TENM2: variants seen among roughly 807,000 people sequenced by gnomAD.
The protein encoded by TENM2 is teneurin-2.
TENM2 carries 52 observed loss-of-function variants against 245.2 expected under a neutral mutation model. The ratio of observed to expected loss-of-function variants is 0.21; its 90% CI spans 0.17 to 0.27. TENM2 has a LOEUF of 0.27. Ranked by LOEUF, TENM2 falls within the 10% of genes least tolerant of loss-of-function variation. TENM2 has a pLI of 1.00. For synonymous variants in TENM2, 1,363 were observed against 1,438.9 expected (o/e 0.95, Z 1.19); for missense variants, 3,046 against 3,666.8 (o/e 0.83, Z 4.37).
At chr5:167,517,455 G>A (rs995492738) in intron 2 of TENM2, among the ~76,000 whole-genome samples, 2 of 152,036 alleles carry the variant, frequency 1.3e-5, no homozygotes, top group African/African-American at 4.8e-5. Context: ...GTCTCAGAAG[G>A]GTGAAATTCC....
intron 2 of TENM2, among the ~76,000 whole-genome samples, chr5:167,474,946 T>A (rs1173236460): frequency 6.6e-6 from 1 of 152,238 alleles, no homozygotes; most frequent in Non-Finnish European, 1.5e-5. Flanking sequence ...TTCGGTTTAA[T>A]CAGTGAACCA....
At chr5:167,019,475 T>A in the TENM2 span, among the ~76,000 whole-genome samples, 5 of 152,260 alleles carry the variant, frequency 3.3e-5, no homozygotes, top group South Asian at 6.2e-4. Flanking sequence ...TTGTTTTTTT[T>A]ATTTTGCTTT....
At chr5:167,101,281 C>G in the TENM2 span, among the ~76,000 whole-genome samples, 1 of 152,116 alleles carries the variant, frequency 6.6e-6, no homozygotes, top group Non-Finnish European at 1.5e-5. Flanking sequence ...AGCCTCTAGT[C>G]TAGTTAACAG....
intron 2 of TENM2, among the ~76,000 whole-genome samples, chr5:167,689,035 C>T (rs1043581937): frequency 6.6e-6 from 1 of 152,250 alleles, no homozygotes; most frequent in African/African-American, 2.4e-5. Flanking sequence ...AACTGTTTGG[C>T]GGTCGTTGAA....
chr5:167,390,478 G>A lies in TENM2; in HGVS notation c.502+15005G>A, dbSNP rs531636583. On this transcript the variant is annotated intron_variant, in intron 2 of 28. Transcript: ENST00000518659. Reference sequence around the variant, plus strand: ...TATTCTTAAAACTTCCTCCATCTGCGGTGCCTTTGATTCAATGAGGTTAGT... The same window carrying A: ...TATTCTTAAAACTTCCTCCATCTGCAGTGCCTTTGATTCAATGAGGTTAGT... Among the ~76,000 whole-genome samples, 210 of 152,152 alleles carry A rather than the reference G, an allele frequency of 1.4e-3. 1 individual carries two copies. Among genetic ancestry groups the A allele is most frequent in the Non-Finnish European group, 1.7e-3 (113 of 67,994 alleles).
chr5:167,818,931 C>T (rs1301221675), intron 2 of TENM2, among the ~76,000 whole-genome samples: 1 of 152,050 alleles, frequency 6.6e-6, no homozygotes, highest in Non-Finnish European at 1.5e-5. Context: ...CTGGATAACC[C>T]AGCATTCTGG....
chr5:168,234,028 C>T (rs916365044), intron 25 of TENM2, among the ~76,000 whole-genome samples: 2 of 152,146 alleles, frequency 1.3e-5, no homozygotes, highest in Non-Finnish European at 1.5e-5. Flanking sequence ...CACAGCCAAA[C>T]CATATCAGAT....
intron 2 of TENM2, among the ~76,000 whole-genome samples, chr5:167,481,502 A>G (rs943545832): frequency 6.6e-6 from 1 of 152,170 alleles, no homozygotes; most frequent in African/African-American, 2.4e-5. Flanking sequence ...TCCATACTAC[A>G]AAGGCACGGT....
intron 2 of TENM2, among the ~76,000 whole-genome samples, chr5:167,433,929 G>A (rs573609914): frequency 1.8e-4 from 28 of 151,978 alleles, no homozygotes; most frequent in African/African-American, 6.8e-4. Context: ...TTAATAAAAC[G>A]GTATAGATGT....
At chr5:167,237,405 G>C in the TENM2 span, among the ~76,000 whole-genome samples, 1 of 152,074 alleles carries the variant, frequency 6.6e-6, no homozygotes, top group Non-Finnish European at 1.5e-5. Context: ...AATCACTCCT[G>C]GCTAAAGAGC....
At chr5:167,411,909 C>A (rs199886603) in intron 2 of TENM2, among the ~76,000 whole-genome samples, 1 of 151,672 alleles carries the variant, frequency 6.6e-6, no homozygotes, top group Non-Finnish European at 1.5e-5. Flanking sequence ...TACATGTGTG[C>A]GGAAAAGGAC....
In TENM2 at chr5:168,218,630, T is replaced by C; in HGVS notation, c.4739T>C (p.Phe1580Ser). The C allele has an allele frequency of 1.2e-6, 2 of 1,613,998 alleles. No individual in the cohort carries two copies. The highest frequency in any genetic ancestry group is 1.7e-6 in the Non-Finnish European group (2 of 1,179,898). ...AAGAACAAGCCTGTTCTTAATGCCT[T>C]CAACCAGTATGAGGCTGCATCCCCC... Residue 1580 changes from phenylalanine to serine, a missense_variant, in exon 23 of 29, where the codon TTC becomes TCC. Physicochemically the swap from Phe to Ser is radical, Grantham distance 155. This residue lies in a region of TENM2 where 2,704 missense variants were observed against 3,331.9 expected (regional missense o/e 0.81). Transcript: ENST00000518659. This position sits in a 1 kb window ranked among gnomAD's most constrained non-coding sequence, Gnocchi z 5.2.
intron 4 of TENM2, chr5:167,965,216 C>T (rs944146088): frequency 6.6e-6 from 1 of 152,012 alleles, no homozygotes; most frequent in Admixed American, 6.5e-5. Context: ...ATGTCATGTG[C>T]TGAAGAAGGA....
chr5:167,668,804 A>C (rs187230871), intron 2 of TENM2, among the ~76,000 whole-genome samples: 14 of 152,196 alleles, frequency 9.2e-5, no homozygotes, highest in Middle Eastern at 3.4e-3. Flanking sequence ...AAATACAAAA[A>C]TTAGCTGGGT....
At chr5:167,368,963 C>T (rs1760232149) in intron 1 of TENM2, among the ~76,000 whole-genome samples, 1 of 152,062 alleles carries the variant, frequency 6.6e-6, no homozygotes, top group Non-Finnish European at 1.5e-5. Context: ...GATAAAAGTC[C>T]GGGATCCCCG....
chr5:167,050,145 C>T, the TENM2 span, among the ~76,000 whole-genome samples: 5 of 152,138 alleles, frequency 3.3e-5, no homozygotes, highest in African/African-American at 9.7e-5. Flanking sequence ...GGATTCCCAA[C>T]CCCCGGGCTG....
chr5:167,768,089 A>G (rs952906145), intron 2 of TENM2, among the ~76,000 whole-genome samples: 1 of 152,192 alleles, frequency 6.6e-6, no homozygotes, highest in African/African-American at 2.4e-5. Flanking sequence ...CGCGTCTTCC[A>G]TTAGCATATG....
intron 2 of TENM2, among the ~76,000 whole-genome samples, chr5:167,532,288 GCTCT>G (rs201584195): frequency 5.6e-4 from 84 of 148,966 alleles, no homozygotes; most frequent in Non-Finnish European, 1.2e-3. Flanking sequence ...TGTCATGCAT[GCTCT>G]CTCTCTCTCT....
At chr5:168,087,954 A>AT (rs551560458) in intron 7 of TENM2, among the ~76,000 whole-genome samples, 3 of 152,144 alleles carry the variant, frequency 2.0e-5, no homozygotes, top group Non-Finnish European at 4.4e-5. Flanking sequence ...GCTTCTGTGC[A>AT]GGGGGACTCT....
Sources: gnomAD v4.1 joint callset for allele counts (sites outside exome capture counted in the v4.1 genomes callset) on GRCh38, gnomAD v4.1.1 for gene constraint, gnomAD v4.1.1 regional missense constraint, Gnocchi (gnomAD v3.1) non-coding constraint, MANE v1.5 for transcripts, NCBI Gene and HGNC (gene_info 2026-07-23, HGNC 2026-07-21) for gene names.